Variants in AOPEP observed in about 807,000 individuals in gnomAD.
The protein encoded by AOPEP is aminopeptidase O (putative), also known as aminopeptidase O.
In AOPEP, 77 loss-of-function variants were observed where a neutral mutation model predicts 98.1. The observed-to-expected ratio is 0.78, with a 90% CI of 0.65 to 0.95. The LOEUF is 0.95. Ranked by LOEUF, AOPEP falls within the 40% of genes least tolerant of loss-of-function variation. The pLI, the probability that AOPEP is intolerant of heterozygous loss-of-function variation, is 0.00. For missense variants in AOPEP, 1,024 were observed against 1,024.7 expected (o/e 1.00, Z 0.01); for synonymous variants, 346 against 365.3 (o/e 0.95, Z 0.60).
At chr9:95,027,364 A>C (rs768025997) in intron 13 of AOPEP, among the ~76,000 whole-genome samples, 1 of 152,240 alleles carries the variant, frequency 6.6e-6, no homozygotes, top group Non-Finnish European at 1.5e-5. Context: ...CCAGTCATGC[A>C]TGCAACAGTT....
rs539490589 is a variant in AOPEP at position 94,878,281 on chromosome 9, A to G, written c.1365-45705A>G. On this transcript the variant is annotated intron_variant, in intron 5 of 16. Transcript: ENST00000375315. Reference sequence around the variant, plus strand: ...ATGCTGTCCACTTTCGGGGAGAAGTATTCCTGGTCAGCTTTACCTTAAAGT... The same window carrying G: ...ATGCTGTCCACTTTCGGGGAGAAGTGTTCCTGGTCAGCTTTACCTTAAAGT... Among the ~76,000 whole-genome samples the G allele has an allele frequency of 7.4e-5, 11 of 149,602 alleles. No individual in the cohort carries two copies. The South Asian group carries it at 2.4e-3, about 33-fold the overall frequency.
intron 13 of AOPEP, among the ~76,000 whole-genome samples, chr9:95,020,715 C>G (rs2063376126): frequency 6.6e-6 from 1 of 151,588 alleles, no homozygotes; most frequent in Non-Finnish European, 1.5e-5. Flanking sequence ...CTCAGGAGTT[C>G]AAGACCAACC....
chr9:94,837,602 A>G (rs1395167877), intron 5 of AOPEP, among the ~76,000 whole-genome samples: 2 of 152,254 alleles, frequency 1.3e-5, no homozygotes, highest in Non-Finnish European at 2.9e-5. Flanking sequence ...AGGATGGTTT[A>G]ACATACGCAA....
At chr9:95,120,357 T>C in the AOPEP span, among the ~76,000 whole-genome samples, 6 of 152,178 alleles carry the variant, frequency 3.9e-5, no homozygotes, top group Non-Finnish European at 8.8e-5. Flanking sequence ...AATTCTGATC[T>C]ATCTATGGCT....
intron 2 of AOPEP, among the ~76,000 whole-genome samples, chr9:94,767,727 G>A (rs972167014): frequency 6.6e-6 from 1 of 152,212 alleles, no homozygotes; most frequent in African/African-American, 2.4e-5. Flanking sequence ...CTCTGGTGAA[G>A]AAGTGATGAA....
intron 3 of AOPEP, among the ~76,000 whole-genome samples, chr9:94,785,163 G>C (rs1324566039): frequency 6.6e-6 from 1 of 151,848 alleles, no homozygotes; most frequent in East Asian, 1.9e-4. Context: ...TCAAACTCCC[G>C]ATCTCAGGTG....
chr9:94,886,275 G>C (rs1043452085), intron 5 of AOPEP, among the ~76,000 whole-genome samples: 1 of 152,196 alleles, frequency 6.6e-6, no homozygotes, highest in African/African-American at 2.4e-5. Context: ...CAGGGACCAG[G>C]TGTGCTGTGT....
intron 9 of AOPEP, among the ~76,000 whole-genome samples, chr9:94,965,430 G>A (rs912040142): frequency 1.3e-5 from 2 of 152,236 alleles, no homozygotes; most frequent in African/African-American, 4.8e-5. Flanking sequence ...GAAATGGACT[G>A]TGACCACCCA....
chr9:94,845,385 A>C (rs919179934), intron 5 of AOPEP, among the ~76,000 whole-genome samples: 3 of 152,212 alleles, frequency 2.0e-5, no homozygotes, highest in Non-Finnish European at 4.4e-5. Context: ...TGAGGACCCA[A>C]TTCCACGGGG....
the AOPEP span, chr9:95,117,253 T>A: frequency 6.8e-7 from 1 of 1,463,954 alleles, no homozygotes; most frequent in Non-Finnish European, 9.6e-7. Flanking sequence ...GAGGAGGTCA[T>A]AATTTGACAA....
chr9:94,737,482 A>G (rs997316797), intron 1 of AOPEP, among the ~76,000 whole-genome samples: 1 of 152,200 alleles, frequency 6.6e-6, no homozygotes, highest in Non-Finnish European at 1.5e-5. Flanking sequence ...TCTGATGGTA[A>G]GAATGGTTTC....
the AOPEP span, chr9:95,117,220 C>A: frequency 9.4e-7 from 1 of 1,068,858 alleles, no homozygotes; most frequent in Non-Finnish European, 1.4e-6. Context: ...CTGTCTCCCT[C>A]ATGCTGTAGA....
At chr9:95,148,985 C>T in the AOPEP span, among the ~76,000 whole-genome samples, 1 of 152,076 alleles carries the variant, frequency 6.6e-6, no homozygotes, top group Non-Finnish European at 1.5e-5. Flanking sequence ...ACAACACGTC[C>T]CACCAGAAGC....
At chr9:94,821,655 G>A (rs530012958) in intron 5 of AOPEP, among the ~76,000 whole-genome samples, 7 of 152,270 alleles carry the variant, frequency 4.6e-5, no homozygotes, top group Non-Finnish European at 8.8e-5. Flanking sequence ...TTGAACATCC[G>A]TATGCCCCTG....
At chr9:95,087,397 C>T (rs1377916974), downstream of AOPEP, among the ~76,000 whole-genome samples, 2 of 138,166 alleles carry the variant, frequency 1.4e-5, no homozygotes, top group Non-Finnish European at 3.0e-5. Context: ...GCAGGAGAAT[C>T]GCTTGAACCC....
intron 5 of AOPEP, among the ~76,000 whole-genome samples, chr9:94,832,469 G>A (rs958296222): frequency 2.6e-5 from 4 of 152,186 alleles, no homozygotes; most frequent in Non-Finnish European, 5.9e-5. Context: ...ACCTCCATGG[G>A]AAGGAGTTTA....
chr9:95,123,436 T>C, the AOPEP span: 8 of 458,746 alleles, frequency 1.7e-5, no homozygotes, highest in Non-Finnish European at 3.5e-5. Flanking sequence ...GCCTCAGAGG[T>C]TGAGACCAGC....
At chr9:95,041,918 C>G (rs1464116030) in intron 13 of AOPEP, among the ~76,000 whole-genome samples, 1 of 152,120 alleles carries the variant, frequency 6.6e-6, no homozygotes, top group East Asian at 1.9e-4. Context: ...AGCCTGAAAT[C>G]ATCTATAAAG....
At chr9:94,756,555 A>G (rs1837101045) in intron 1 of AOPEP, among the ~76,000 whole-genome samples, 1 of 152,182 alleles carries the variant, frequency 6.6e-6, no homozygotes, top group South Asian at 2.1e-4. Context: ...AATGTTGGCA[A>G]GAGAAAAATG....
Sources: gnomAD v4.1 joint callset for allele counts (sites outside exome capture counted in the v4.1 genomes callset) on GRCh38, gnomAD v4.1.1 for gene constraint, MANE v1.5 for transcripts, NCBI Gene and HGNC (gene_info 2026-07-23, HGNC 2026-07-21) for gene names.